The following PCDH15 variants were observed in gnomAD, a reference collection of about 807,000 sequenced individuals.
The protein encoded by PCDH15 is protocadherin related 15.
A neutral mutation model predicts 178.5 loss-of-function variants in PCDH15; 129 were observed. The observed-to-expected ratio is 0.72, with a 90% CI of 0.63 to 0.84. PCDH15 has a LOEUF of 0.84. Among genes scored for constraint, PCDH15 ranks in the 40% least tolerant of loss-of-function variants. The pLI, the probability that PCDH15 is intolerant of heterozygous loss-of-function variation, is 0.00. For missense variants in PCDH15, 2,230 were observed against 2,099.9 expected, an observed-to-expected ratio of 1.06 and a Z score of -1.21; for synonymous variants, 800 against 732.0, an observed-to-expected ratio of 1.09 and a Z score of -1.50.
chr10:53,983,400 C>G (rs2090838442), intron 21 of PCDH15, among the ~76,000 whole-genome samples: 1 of 150,940 alleles, frequency 6.6e-6, no homozygotes, highest in African/African-American at 2.4e-5. Flanking sequence ...CTTCATGTAA[C>G]CACTGAGAAA....
At chr10:54,600,523 G>C (rs2092473110) in intron 2 of PCDH15, 2 of 576,856 alleles carry the variant, frequency 3.5e-6, no homozygotes, top group Non-Finnish European at 6.9e-6. Context: ...AATCACCAGT[G>C]AGAGGGAGAT....
intron 3 of PCDH15, among the ~76,000 whole-genome samples, chr10:54,807,256 C>T (rs1386318102): frequency 1.3e-5 from 2 of 151,904 alleles, no homozygotes; most frequent in Non-Finnish European, 2.9e-5. Flanking sequence ...GTTTAAAAAT[C>T]GTATAGAACA....
intron 1 of PCDH15, among the ~76,000 whole-genome samples, chr10:55,173,360 A>T (rs552610587): frequency 1.1e-5 from 1 of 90,474 alleles, no homozygotes; most frequent in East Asian, 3.6e-4. Context: ...TGTATGTAGA[A>T]GGATGGGGGT....
At chr10:55,184,785 A>T (rs1839750625) in intron 1 of PCDH15, among the ~76,000 whole-genome samples, 1 of 151,986 alleles carries the variant, frequency 6.6e-6, no homozygotes, top group Non-Finnish European at 1.5e-5. Context: ...TTATTCTAAG[A>T]TTTATGACAC....
intron 2 of PCDH15, among the ~76,000 whole-genome samples, chr10:55,551,640 A>G (rs1842005978): frequency 6.6e-6 from 1 of 151,958 alleles, no homozygotes; most frequent in Middle Eastern, 3.5e-3. Flanking sequence ...ATTTGTGGAT[A>G]TAATAAAAGG....
intron 2 of PCDH15, among the ~76,000 whole-genome samples, chr10:54,538,305 G>T (rs1011552100): frequency 1.3e-5 from 2 of 152,136 alleles, no homozygotes; most frequent in Non-Finnish European, 2.9e-5. Context: ...GTGAAAGTAA[G>T]GGTCCAGTTT....
intron 8 of PCDH15, among the ~76,000 whole-genome samples, chr10:54,291,458 G>T (rs2059397689): frequency 6.6e-6 from 1 of 152,216 alleles, no homozygotes; most frequent in Non-Finnish European, 1.5e-5. Flanking sequence ...CAGAAGGCAA[G>T]AAATAAGTAA....
intron 2 of PCDH15, chr10:54,606,187 A>G (rs2092732425): frequency 6.6e-6 from 1 of 152,098 alleles, no homozygotes. Flanking sequence ...TTGTTGTTGT[A>G]GCTAGTTGGT....
intron 2 of PCDH15, among the ~76,000 whole-genome samples, chr10:55,449,915 G>A (rs1839396895): frequency 7.4e-6 from 1 of 135,214 alleles, no homozygotes; most frequent in South Asian, 2.3e-4. Context: ...ACATTAATGA[G>A]GACTTCATAA....
chr10:54,666,634 T>A (rs1350809813), intron 1 of PCDH15, among the ~76,000 whole-genome samples: 3 of 151,774 alleles, frequency 2.0e-5, no homozygotes, highest in African/African-American at 7.3e-5. Flanking sequence ...TATTTAAATT[T>A]TAAAAATATA....
chr10:53,851,671 A>AATATATATATATAT (rs71004485), intron 28 of PCDH15, among the ~76,000 whole-genome samples: 12 of 104,560 alleles, frequency 1.1e-4, no homozygotes, highest in Non-Finnish European at 2.3e-4. Flanking sequence ...TCCTCCTAGA[A>AATATATATATATAT]ATATATATAT....
intron 1 of PCDH15, among the ~76,000 whole-genome samples, chr10:55,281,343 TTAGTAAACTGTA>T (rs1842727958): frequency 6.6e-6 from 1 of 152,156 alleles, no homozygotes; most frequent in Non-Finnish European, 1.5e-5. Context: ...CAGGGGAGCT[TTAGTAAACTGTA>T]TACTATTAAA....
At chr10:55,072,103 T>C (rs189790377) in intron 2 of PCDH15, among the ~76,000 whole-genome samples, 2 of 151,706 alleles carry the variant, frequency 1.3e-5, no homozygotes, top group African/African-American at 4.8e-5. Context: ...AAACAATGTG[T>C]AGAGGGAAAT....
intron 2 of PCDH15, among the ~76,000 whole-genome samples, chr10:55,463,989 AAG>A (rs1176341236): frequency 5.2e-4 from 9 of 17,298 alleles, no homozygotes; most frequent in South Asian, 2.6e-3. Context: ...GAAAGAAAGA[AAG>A]AGAAAGAAAG....
intron 2 of PCDH15, among the ~76,000 whole-genome samples, chr10:55,136,832 A>G (rs544772129): frequency 6.6e-6 from 1 of 152,278 alleles, no homozygotes; most frequent in Admixed American, 6.5e-5. Context: ...AGATAAGCTA[A>G]AATAAACAAT....
chr10:55,103,606 A>T (rs1437341151), intron 2 of PCDH15, among the ~76,000 whole-genome samples: 2 of 152,166 alleles, frequency 1.3e-5, no homozygotes, highest in East Asian at 3.9e-4. Context: ...TTCTATAGCA[A>T]TGATGGCATC....
At chr10:53,935,752 T>G (rs2085515612) in intron 25 of PCDH15, among the ~76,000 whole-genome samples, 1 of 152,284 alleles carries the variant, frequency 6.6e-6, no homozygotes, top group Non-Finnish European at 1.5e-5. Flanking sequence ...AAGGAAAGAA[T>G]AAAGTTTTTT....
intron 1 of PCDH15, among the ~76,000 whole-genome samples, chr10:54,771,731 T>G (rs1208004434): frequency 6.6e-6 from 1 of 152,140 alleles, no homozygotes; most frequent in Non-Finnish European, 1.5e-5. Flanking sequence ...TTCCTTATAC[T>G]AATATTTAAA....
At chr10:54,532,163 T>C (rs1003716780) in intron 2 of PCDH15, among the ~76,000 whole-genome samples, 2 of 152,186 alleles carry the variant, frequency 1.3e-5, no homozygotes, top group Non-Finnish European at 2.9e-5. Flanking sequence ...TAATTTTCTG[T>C]CTTTAAGCAG....
Sources: gnomAD v4.1 joint callset for allele counts (sites outside exome capture counted in the v4.1 genomes callset) on GRCh38, gnomAD v4.1.1 for gene constraint, MANE v1.5 for transcripts, NCBI Gene and HGNC (gene_info 2026-07-23, HGNC 2026-07-21) for gene names.